HS3ST5: variants seen among roughly 807,000 people sequenced by gnomAD.
HS3ST5 encodes heparan sulfate-glucosamine 3-sulfotransferase 5, also known as heparan sulfate glucosamine 3-O-sulfotransferase 5.
Under a neutral mutation model 25.4 loss-of-function variants are expected in HS3ST5, and 10 were observed. The observed-to-expected ratio is 0.39, with a 90% confidence interval of 0.24 to 0.67. The LOEUF is 0.67. Ranked by LOEUF, HS3ST5 falls within the 30% of genes least tolerant of loss-of-function variation. The pLI, the probability that HS3ST5 is intolerant of heterozygous loss-of-function variation, is 0.44. For missense variants in HS3ST5, 324 were observed against 420.7 expected (o/e 0.77, Z 2.01); for synonymous variants, 170 against 162.4 (o/e 1.05, Z -0.36).
At chr6:114,157,084 C>T (rs1344642631) in intron 3 of HS3ST5, among the ~76,000 whole-genome samples, 1 of 152,012 alleles carries the variant, frequency 6.6e-6, no homozygotes, top group Admixed American at 6.6e-5. Flanking sequence ...GTCTTCCACC[C>T]CTCACCTTCT....
intron 1 of HS3ST5, among the ~76,000 whole-genome samples, chr6:114,328,898 T>C (rs1258471269): frequency 6.6e-6 from 1 of 152,204 alleles, no homozygotes; most frequent in Non-Finnish European, 1.5e-5. Context: ...ACCTTTATTG[T>C]GATGATGTCT....
chr6:114,114,554 T>C (rs1002946207), intron 3 of HS3ST5, among the ~76,000 whole-genome samples: 2 of 152,154 alleles, frequency 1.3e-5, no homozygotes, highest in Admixed American at 6.6e-5. Context: ...ATTGGCAATA[T>C]AGAGTCACAC....
At chr6:114,302,925 T>C (rs1162781875) in intron 1 of HS3ST5, among the ~76,000 whole-genome samples, 3 of 152,224 alleles carry the variant, frequency 2.0e-5, no homozygotes, top group Non-Finnish European at 4.4e-5. Flanking sequence ...TAGCTTCTTT[T>C]ATATAACTTA....
chr6:114,163,413 A>G lies in HS3ST5; in HGVS notation c.-33+4938T>C, dbSNP rs903384559. On this transcript the variant is annotated intron_variant, in intron 3 of 4. Transcript: ENST00000312719. ...GTCCCAAGAATAAGTTAAAAGAAAAAAAGGTAAGTACGCAGTAGTCCAGAG... is the reference window on the plus strand; with the variant it reads ...GTCCCAAGAATAAGTTAAAAGAAAAGAAGGTAAGTACGCAGTAGTCCAGAG... Among the ~76,000 whole-genome samples, 11 of 152,160 alleles carry G rather than the reference A, an allele frequency of 7.2e-5. No individual in the cohort carries two copies. The South Asian group carries it at 8.3e-4, about 11-fold the overall frequency.
chr6:114,286,385 T>G (rs1316781668), intron 1 of HS3ST5, among the ~76,000 whole-genome samples: 1 of 152,066 alleles, frequency 6.6e-6, no homozygotes, highest in Non-Finnish European at 1.5e-5. Context: ...GTTGTAGAGA[T>G]GTGCTTTCAG....
chr6:114,106,691 C>T (rs1242783998), intron 3 of HS3ST5, among the ~76,000 whole-genome samples: 1 of 151,998 alleles, frequency 6.6e-6, no homozygotes, highest in African/African-American at 2.4e-5. Flanking sequence ...AAGCTTATAC[C>T]ATTACTGAAA....
At chr6:114,323,459 C>T (rs927040757) in intron 1 of HS3ST5, among the ~76,000 whole-genome samples, 5 of 152,100 alleles carry the variant, frequency 3.3e-5, no homozygotes, top group Non-Finnish European at 7.4e-5. Context: ...CCTTAGTTGA[C>T]AGTATGATTG....
At chr6:114,237,760 T>C (rs537760484) in intron 1 of HS3ST5, among the ~76,000 whole-genome samples, 2 of 152,220 alleles carry the variant, frequency 1.3e-5, no homozygotes, top group Non-Finnish European at 2.9e-5. Flanking sequence ...TTAATCTGGA[T>C]TCTCATTTAG....
chr6:114,057,608 T>A lies in HS3ST5; in HGVS notation c.690A>T (p.Arg230Ser). Reference protein sequence around the residue: ...CEVNTKYKAVRTSIYTKHLER... With the variant: ...CEVNTKYKAVSTSIYTKHLER... Reference sequence around the variant, plus strand: ...CCAGATGTTTGGTGTAGATGCTGGTTCTTACTGCTTTGTATTTTGTGTTCA... The same window carrying A: ...CCAGATGTTTGGTGTAGATGCTGGTACTTACTGCTTTGTATTTTGTGTTCA... Residue 230 changes from arginine to serine, a missense_variant, in exon 5 of 5, where the codon AGA (arginine) becomes AGT (serine). By Grantham distance (110) the Arg-to-Ser change is moderately radical (BLOSUM62 -1). Coordinates refer to ENST00000312719, the MANE Select transcript of HS3ST5 (RefSeq NM_153612.4). The A allele has an allele frequency of 6.2e-7, 1 of 1,612,722 alleles. No homozygotes were observed. The highest frequency in any genetic ancestry group is 8.5e-7 in the Non-Finnish European group (1 of 1,179,538).
At chr6:114,071,351 T>C (rs1290751914) in intron 3 of HS3ST5, among the ~76,000 whole-genome samples, 1 of 152,226 alleles carries the variant, frequency 6.6e-6, no homozygotes, top group Non-Finnish European at 1.5e-5. Context: ...TTAATTCCTA[T>C]GTTTTAGATC....
At chr6:114,068,847 A>G (rs551803024) in intron 3 of HS3ST5, among the ~76,000 whole-genome samples, 2 of 152,286 alleles carry the variant, frequency 1.3e-5, no homozygotes, top group South Asian at 4.1e-4. Context: ...TTGCCTGCCA[A>G]TAACAGCACA....
intron 2 of HS3ST5, among the ~76,000 whole-genome samples, chr6:114,170,248 C>A (rs562255507): frequency 9.2e-5 from 14 of 151,806 alleles, no homozygotes; most frequent in East Asian, 1.9e-4. Context: ...TTAAAAAATA[C>A]AAATTTATAT....
chr6:114,208,479 C>T (rs1229042839), intron 2 of HS3ST5, among the ~76,000 whole-genome samples: 1 of 152,116 alleles, frequency 6.6e-6, no homozygotes, highest in Admixed American at 6.5e-5. Flanking sequence ...ATCTTCATGA[C>T]CACCAATAAG....
At chr6:114,198,262 A>G (rs1443195222) in intron 2 of HS3ST5, among the ~76,000 whole-genome samples, 1 of 152,172 alleles carries the variant, frequency 6.6e-6, no homozygotes, top group African/African-American at 2.4e-5. Flanking sequence ...TTAAAAAATG[A>G]ACGAAGCCTT....
At chr6:114,172,764 T>C (rs1291607211) in intron 2 of HS3ST5, among the ~76,000 whole-genome samples, 1 of 152,224 alleles carries the variant, frequency 6.6e-6, no homozygotes, top group African/African-American at 2.4e-5. Context: ...GATAAGGGAA[T>C]TGTTGCTTCA....
At chr6:114,260,330 T>G (rs994728989) in intron 1 of HS3ST5, among the ~76,000 whole-genome samples, 1 of 152,306 alleles carries the variant, frequency 6.6e-6, no homozygotes, top group South Asian at 2.1e-4. Flanking sequence ...TCCTCAGAGA[T>G]ATGGACTATA....
At chr6:114,072,090 C>T (rs1409129191) in intron 3 of HS3ST5, among the ~76,000 whole-genome samples, 1 of 152,112 alleles carries the variant, frequency 6.6e-6, no homozygotes, top group African/African-American at 2.4e-5. Flanking sequence ...ACCACTCTGC[C>T]TCCCTATGAA....
intron 3 of HS3ST5, among the ~76,000 whole-genome samples, chr6:114,083,856 A>G (rs1181487362): frequency 2.0e-5 from 3 of 152,152 alleles, no homozygotes; most frequent in Non-Finnish European, 4.4e-5. Flanking sequence ...AGCCTCTGTA[A>G]TAACCTATGT....
intron 1 of HS3ST5, among the ~76,000 whole-genome samples, chr6:114,305,559 A>T (rs1775254393): frequency 6.6e-6 from 1 of 151,114 alleles, no homozygotes; most frequent in Non-Finnish European, 1.5e-5. Flanking sequence ...TTGGGTATGC[A>T]GTAAAAGTAT....
Sources: allele counts gnomAD v4.1 joint callset (sites outside exome capture counted in the v4.1 genomes callset), GRCh38; gene constraint gnomAD v4.1.1; transcripts MANE v1.5; gene names NCBI Gene and HGNC (gene_info 2026-07-23, HGNC 2026-07-21).